The following TRHDE variants were observed in gnomAD, a reference collection of about 807,000 sequenced individuals.
The protein encoded by TRHDE is thyrotropin-releasing hormone-degrading ectoenzyme.
TRHDE carries 72 observed loss-of-function variants against 125.7 expected under a neutral mutation model. The observed-to-expected ratio is 0.57, with a 90% confidence interval of 0.47 to 0.70. TRHDE has a LOEUF of 0.70. TRHDE is among the 30% of genes least tolerant of loss of function. The probability of loss-of-function intolerance (pLI) is 0.00; values close to 1 mark genes in which losing one functional copy is unlikely to be tolerated. For synonymous variants in TRHDE, 509 were observed against 509.1 expected (o/e 1.00, Z 0.00); for missense variants, 1,110 against 1,327.1 (o/e 0.84, Z 2.54).
intron 6 of TRHDE, among the ~76,000 whole-genome samples, chr12:72,511,228 G>A (rs535344881): frequency 5.9e-5 from 9 of 152,018 alleles, no homozygotes; most frequent in East Asian, 1.9e-4. Flanking sequence ...TTAACTTCAC[G>A]TTACATAATA....
intron 2 of TRHDE, among the ~76,000 whole-genome samples, chr12:72,171,443 G>T (rs553280292): frequency 2.0e-5 from 3 of 152,212 alleles, no homozygotes; most frequent in African/African-American, 7.2e-5. Context: ...ATGAGAAAGG[G>T]GACTTTTTCT....
intron 2 of TRHDE, among the ~76,000 whole-genome samples, chr12:72,352,397 A>G (rs12426300): frequency 0.022 from 3,340 of 151,916 alleles, 111 homozygotes; most frequent in Admixed American, 0.094. Context: ...ATTTAAAAAA[A>G]TTCAACAGCG....
chr12:72,516,453 A>G (rs964057054), intron 6 of TRHDE, among the ~76,000 whole-genome samples: 5 of 151,662 alleles, frequency 3.3e-5, no homozygotes, highest in African/African-American at 9.7e-5. Flanking sequence ...TTTGTCTGTT[A>G]TTGGTGTATA....
At chr12:72,582,716 C>T in intron 12 of TRHDE, 2 of 692,238 alleles carry the variant, frequency 2.9e-6, no homozygotes, top group Non-Finnish European at 1.8e-6. Flanking sequence ...GTGAGAAATA[C>T]TTTGGCAGAC....
intron 2 of TRHDE, among the ~76,000 whole-genome samples, chr12:72,350,285 T>A (rs1391342952): frequency 6.6e-6 from 1 of 151,892 alleles, no homozygotes; most frequent in Non-Finnish European, 1.5e-5. Context: ...TCCCTCCCCA[T>A]TTGGTGGACG....
intron 1 of TRHDE, among the ~76,000 whole-genome samples, chr12:72,280,807 G>A (rs1325769243): frequency 3.3e-5 from 5 of 152,178 alleles, no homozygotes; most frequent in Non-Finnish European, 5.9e-5. Flanking sequence ...AGTACCAAGG[G>A]AAAGGCGTCT....
intron 7 of TRHDE, among the ~76,000 whole-genome samples, chr12:72,542,841 AAT>A (rs375906883): frequency 1.1e-3 from 171 of 151,412 alleles, no homozygotes; most frequent in African/African-American, 4.0e-3. Flanking sequence ...TTAATTAGAA[AAT>A]ATGTTTTTCT....
At chr12:72,492,358 T>G (rs1251021663) in intron 5 of TRHDE, among the ~76,000 whole-genome samples, 1 of 151,946 alleles carries the variant, frequency 6.6e-6, no homozygotes, top group African/African-American at 2.4e-5. Flanking sequence ...TTGGACATTA[T>G]AGAACTTTAT....
chr12:72,299,717 C>T (rs750058374), intron 2 of TRHDE, among the ~76,000 whole-genome samples: 4 of 152,112 alleles, frequency 2.6e-5, no homozygotes, highest in Admixed American at 6.6e-5. Flanking sequence ...CCTTAATCAA[C>T]TCAGTGTCCT....
chr12:72,429,697 T>C (rs1874359370), intron 3 of TRHDE, among the ~76,000 whole-genome samples: 1 of 152,058 alleles, frequency 6.6e-6, no homozygotes, highest in African/African-American at 2.4e-5. Context: ...CTTGTTATTA[T>C]CTGTCTTTTC....
chr12:72,147,956 T>C (rs763860252), intron 2 of TRHDE: 4 of 152,248 alleles, frequency 2.6e-5, no homozygotes, highest in Non-Finnish European at 5.9e-5. Context: ...AACTAGTTCC[T>C]GGTATAGTGA....
intron 6 of TRHDE, among the ~76,000 whole-genome samples, chr12:72,541,391 C>T (rs1030813848): frequency 2.0e-5 from 3 of 151,428 alleles, no homozygotes; most frequent in African/African-American, 7.3e-5. Flanking sequence ...TACGTACCTA[C>T]CTTTTGCATT....
intron 9 of TRHDE, among the ~76,000 whole-genome samples, chr12:72,565,253 G>C (rs1187985907): frequency 6.6e-6 from 1 of 152,050 alleles, no homozygotes; most frequent in Non-Finnish European, 1.5e-5. Context: ...CAGAAATCCT[G>C]TGAAATCTGT....
chr12:72,159,943 C>T (rs1876599443), intron 2 of TRHDE, among the ~76,000 whole-genome samples: 1 of 151,990 alleles, frequency 6.6e-6, no homozygotes, highest in Non-Finnish European at 1.5e-5. Context: ...CATTTTATAG[C>T]ATTCTTGATC....
At chr12:72,314,913 G>T (rs1868725393) in intron 2 of TRHDE, among the ~76,000 whole-genome samples, 3 of 152,184 alleles carry the variant, frequency 2.0e-5, no homozygotes, top group Admixed American at 2.0e-4. Flanking sequence ...CTAATGTTCA[G>T]ATGGTTAGAT....
At chr12:72,474,757 G>A (rs1252570840) in intron 5 of TRHDE, among the ~76,000 whole-genome samples, 2 of 151,300 alleles carry the variant, frequency 1.3e-5, no homozygotes, top group Non-Finnish European at 2.9e-5. Flanking sequence ...GTCTGTTATT[G>A]TTCCAAGTAT....
intron 2 of TRHDE, among the ~76,000 whole-genome samples, chr12:72,250,837 G>GATAGATATATATAT (rs1555170852): frequency 8.5e-6 from 1 of 117,932 alleles, no homozygotes. Context: ...ATGACTTACA[G>GATAGATATATATAT]ATATATATAT....
Position 72,568,625 on chromosome 12 carries a change from A to G in TRHDE, c.2100A>G (p.Ser700=), listed in dbSNP as rs1485422948. Residue 700 remains serine, a synonymous_variant, in exon 10 of 19, where the codon TCA becomes TCG. Coordinates refer to ENST00000261180, the MANE Select transcript of TRHDE (RefSeq NM_013381.3). ...IVVGNRSHVS[S]EAIIWVSNKS... ...TAGGAAATAGAAGCCATGTGTCTTC[A>G]GAAGCAATTATTTGGGTGTCTAACA... is the stretch of plus-strand genomic sequence containing the variant. 1 of 1,611,572 alleles carries G rather than the reference A, an allele frequency of 6.2e-7. No individual in the cohort carries two copies. Among genetic ancestry groups the G allele is most frequent in the African/African-American group, 1.3e-5 (1 of 74,898 alleles).
At chr12:72,328,246 G>A (rs571603854) in intron 2 of TRHDE, among the ~76,000 whole-genome samples, 4 of 152,140 alleles carry the variant, frequency 2.6e-5, no homozygotes, top group Non-Finnish European at 5.9e-5. Context: ...CCTTGATAGG[G>A]TGGGCTAGGC....
Sources: gnomAD v4.1 joint callset for allele counts (sites outside exome capture counted in the v4.1 genomes callset) on GRCh38, gnomAD v4.1.1 for gene constraint, MANE v1.5 for transcripts, NCBI Gene and HGNC (gene_info 2026-07-23, HGNC 2026-07-21) for gene names.